ST6GALNAC1: variants seen among roughly 807,000 people sequenced by gnomAD.
The protein encoded by ST6GALNAC1 is alpha-N-acetylgalactosaminide alpha-2,6-sialyltransferase 1.
A neutral mutation model predicts 56.8 loss-of-function variants in ST6GALNAC1; 45 were observed. The ratio of observed to expected loss-of-function variants is 0.79; its 90% confidence interval spans 0.62 to 1.02. ST6GALNAC1 has a LOEUF of 1.02. Among genes scored for constraint, ST6GALNAC1 ranks in the 50% least tolerant of loss-of-function variants. The probability of loss-of-function intolerance (pLI) is 0.00; values close to 1 mark genes in which losing one functional copy is unlikely to be tolerated. For missense variants in ST6GALNAC1, 743 were observed against 754.8 expected (o/e 0.98, Z 0.18); for synonymous variants, 295 against 297.8 (o/e 0.99, Z 0.10).
chr17:76,625,185 T>G lies in ST6GALNAC1; in HGVS notation c.*145A>C. ...GCCATTTGCCATCTTGAGAGAGTCT[T>G]GTCCATGGTTCAAGTGTTCCCTTGG... On this transcript the variant is annotated 3_prime_UTR_variant, in exon 9 of 9. Coordinates refer to ENST00000156626, the MANE Select transcript of ST6GALNAC1 (RefSeq NM_018414.5). The G allele has an allele frequency of 1.5e-5, 12 of 803,566 alleles. No homozygotes were observed. The highest frequency in any genetic ancestry group is 2.3e-5 in the Non-Finnish European group (12 of 519,250). The allele number at this position is 803,566 out of a possible 1,614,324, so 49.8% of individuals were successfully genotyped here.
chr17:76,622,540 T>C (rs1468489108), downstream of ST6GALNAC1, among the ~76,000 whole-genome samples: 1 of 152,080 alleles, frequency 6.6e-6, no homozygotes. Context: ...AATTTTTGTA[T>C]TTTTAGTAGA....
At chr17:76,637,272 T>TAAAAAAAAAAAAAAAAAAAAAAAAAAAAC (rs771644279) in intron 1 of ST6GALNAC1, among the ~76,000 whole-genome samples, 1 of 18,168 alleles carries the variant, frequency 5.5e-5, no homozygotes, top group Non-Finnish European at 9.3e-5. Flanking sequence ...CAATAAATAC[T>TAAAAAAAAAAAAAAAAAAAAAAAAAAAAC]AAAAAAAAAA....
rs1201603873 is a variant in ST6GALNAC1 at position 76,627,529 on chromosome 17, G to T, written c.886C>A (p.Leu296Ile). 6.2e-7 allele frequency: 1 copy of T among 1,614,216 alleles called. No homozygotes were observed. Among genetic ancestry groups the T allele is most frequent in the South Asian group, 1.1e-5 (1 of 91,088 alleles). ...KASKSLWLQK[L>I]FLPNLTLFLD... ...AAGAGAGTGAGGTTGGGCAGAAAGA[G>T]TTTCTGGAGCCACAGCGACTTGGAG... Residue 296 changes from leucine (L) to isoleucine (I), a missense_variant, in exon 3 of 9, where the codon CTC becomes ATC. Transcript: ENST00000156626. This position sits in a 1 kb window ranked among gnomAD's most constrained non-coding sequence, Gnocchi z 4.4.
At chr17:76,621,135 C>G (rs896416216), downstream of ST6GALNAC1, among the ~76,000 whole-genome samples, 2 of 151,778 alleles carry the variant, frequency 1.3e-5, no homozygotes, top group African/African-American at 4.8e-5. Context: ...AAAGTGGAGC[C>G]GTAACCAATC....
chr17:76,621,402 C>T (rs1354747065), downstream of ST6GALNAC1, among the ~76,000 whole-genome samples: 2 of 151,492 alleles, frequency 1.3e-5, no homozygotes, highest in Non-Finnish European at 2.9e-5. Context: ...AGAATGGTCT[C>T]GATCTCTTGA....
At chr17:76,642,013 A>ACG (rs2076054297) in intron 1 of ST6GALNAC1, 1 of 150,242 alleles carries the variant, frequency 6.7e-6, no homozygotes, top group African/African-American at 2.4e-5. Context: ...TATGATATAT[A>ACG]TGTGTATATA....
rs201581225 is a variant in ST6GALNAC1, at chr17:76,629,474, T to C, written c.369A>G (p.Ala123=). The change falls in exon 2 of 9, where the codon GCA becomes GCG. Residue 123 remains alanine (A), a synonymous_variant. Transcript: ENST00000156626. ...DKVPHTAQRA[A]WKSPEKEKTM... ...TTTTCTCTTTTTCTGGGCTCTTCCA[T>C]GCTGCCCTCTGTGCTGTGTGGGGCA... The C allele has an allele frequency of 1.7e-5, 28 of 1,614,044 alleles. No individual in the cohort carries two copies. The highest frequency in any genetic ancestry group is 1.9e-5 in the Non-Finnish European group (22 of 1,180,042).
chr17:76,619,336 G>A, the ST6GALNAC1 span, among the ~76,000 whole-genome samples: 1 of 152,060 alleles, frequency 6.6e-6, no homozygotes, highest in Non-Finnish European at 1.5e-5. Context: ...ATTCACTGAC[G>A]GATCTAGGGA....
Position 76,629,576 on chromosome 17 carries a change from TTG to T in ST6GALNAC1, c.265_266del (p.Gln89AsnfsTer138), listed in dbSNP as rs2075863057. 1.9e-6 allele frequency: 3 copies of T among 1,613,954 alleles called. No homozygotes were observed. The African/African-American group carries it at 4.0e-5, about 22-fold the overall frequency. On this transcript the variant is annotated frameshift_variant, in exon 2 of 9. Coordinates refer to ENST00000156626, the MANE Select transcript of ST6GALNAC1 (RefSeq NM_018414.5). LOFTEE classifies it high-confidence loss of function. ...PVPENNALNT[Q>X]TQPKAHTTGD... Reference sequence around the variant, plus strand: ...CGGTGGTGTGGGCCTTGGGCTGGGTTTGTGTGTTGAGGGCATTGTTCTCTGGC... The same window carrying T: ...CGGTGGTGTGGGCCTTGGGCTGGGTTTGTGTTGAGGGCATTGTTCTCTGGC...
the ST6GALNAC1 span, among the ~76,000 whole-genome samples, chr17:76,617,745 T>A: frequency 6.8e-6 from 1 of 147,640 alleles, no homozygotes; most frequent in Non-Finnish European, 1.5e-5. Flanking sequence ...CACTCCAGCC[T>A]GGGCAACAGA....
chr17:76,626,223 C>A (rs1423887347), intron 6 of ST6GALNAC1, 66 bp downstream of exon 6: 3 of 1,577,254 alleles, frequency 1.9e-6, no homozygotes, highest in Non-Finnish European at 2.6e-6. Context: ...ACCTGTCCAA[C>A]CCTTTAGAGC....
In ST6GALNAC1 at chr17:76,626,285, G is replaced by A. The variant is rs1598288706; in HGVS notation, c.1415+4C>T. On this transcript the variant is annotated splice_donor_region_variant and intron_variant, in intron 6 of 8. Coordinates refer to ENST00000156626, the MANE Select transcript of ST6GALNAC1 (RefSeq NM_018414.5). ...TAAGGGGATGGCAGGAGGACAGTGG[G>A]TACCTGAACCAGAAAAGGTTTTTTG... is the stretch of plus-strand genomic sequence containing the variant. 6.2e-7 allele frequency: 1 copy of A among 1,613,904 alleles called. No homozygotes were observed. The highest frequency in any genetic ancestry group is 8.5e-7 in the Non-Finnish European group (1 of 1,179,774).
At chr17:76,621,417 G>A (rs1281708475), downstream of ST6GALNAC1, among the ~76,000 whole-genome samples, 6 of 151,560 alleles carry the variant, frequency 4.0e-5, no homozygotes, top group Non-Finnish European at 5.9e-5. Flanking sequence ...TCTTGACCTG[G>A]TAATCTGCCT....
chr17:76,619,048 C>A, the ST6GALNAC1 span, among the ~76,000 whole-genome samples: 1 of 152,232 alleles, frequency 6.6e-6, no homozygotes, highest in Non-Finnish European at 1.5e-5. Context: ...TCATTACCAT[C>A]ATTACCAATT....
intron 1 of ST6GALNAC1, among the ~76,000 whole-genome samples, chr17:76,634,156 G>C (rs1016860720): frequency 6.6e-6 from 1 of 152,158 alleles, no homozygotes; most frequent in Non-Finnish European, 1.5e-5. Flanking sequence ...GGTGAGTTGC[G>C]CCTGGTATGT....
downstream of ST6GALNAC1, among the ~76,000 whole-genome samples, chr17:76,622,497 T>C (rs976673784): frequency 6.6e-6 from 1 of 152,066 alleles, no homozygotes; most frequent in Non-Finnish European, 1.5e-5. Context: ...CCTGAGTAGC[T>C]GGGACTACAG....
intron 1 of ST6GALNAC1, among the ~76,000 whole-genome samples, chr17:76,633,235 G>T (rs1047987404): frequency 6.6e-6 from 1 of 151,848 alleles, no homozygotes; most frequent in African/African-American, 2.4e-5. Context: ...TAATGGCCAG[G>T]CGTGGTGGCT....
chr17:76,617,761 A>G, the ST6GALNAC1 span, among the ~76,000 whole-genome samples: 7 of 150,168 alleles, frequency 4.7e-5, no homozygotes, highest in Non-Finnish European at 8.9e-5. Flanking sequence ...ACAGAGCAAG[A>G]CTCTGTCTCA....
intron 1 of ST6GALNAC1, among the ~76,000 whole-genome samples, chr17:76,639,493 T>C (rs1253724987): frequency 6.6e-6 from 1 of 152,108 alleles, no homozygotes; most frequent in Non-Finnish European, 1.5e-5. Flanking sequence ...GGCTAATCAC[T>C]TGAACCTGGG....
Sources: gnomAD v4.1 joint callset for allele counts (sites outside exome capture counted in the v4.1 genomes callset) on GRCh38, gnomAD v4.1.1 for gene constraint, Gnocchi (gnomAD v3.1) non-coding constraint, MANE v1.5 for transcripts, NCBI Gene and HGNC (gene_info 2026-07-23, HGNC 2026-07-21) for gene names.